The following DIAPH3 variants were observed in gnomAD, a reference collection of about 807,000 sequenced individuals.
DIAPH3 encodes protein diaphanous homolog 3.
DIAPH3 carries 117 observed loss-of-function variants against 144.3 expected under a neutral mutation model. The ratio of observed to expected loss-of-function variants is 0.81; its 90% confidence interval spans 0.70 to 0.95. DIAPH3 has a LOEUF of 0.95. Ranked by LOEUF, DIAPH3 falls within the 40% of genes least tolerant of loss-of-function variation. The pLI is 0.00. For missense variants in DIAPH3, 1,421 were observed against 1,412.7 expected (o/e 1.01, Z -0.09); for synonymous variants, 519 against 488.9 (o/e 1.06, Z -0.81).
intron 20 of DIAPH3, among the ~76,000 whole-genome samples, chr13:59,891,448 C>CA (rs199605332): frequency 2.9e-3 from 380 of 131,504 alleles, no homozygotes; most frequent in Middle Eastern, 0.012. Context: ...AAATTATCAT[C>CA]AAAAAAAAAA....
Position 60,005,658 on chromosome 13 carries a change from T to C in DIAPH3, c.1014+2886A>G, listed in dbSNP as rs9570244. Among the ~76,000 whole-genome samples, 5 of 152,178 alleles carry C rather than the reference T, an allele frequency of 3.3e-5. No individual in the cohort carries two copies. The East Asian group carries it at 9.7e-4, about 29-fold the overall frequency. ...ACCATGCCCGGCTAATTTTTTTGTA[T>C]TTTTAGTAGAGACGGGGTTTCACCA... On this transcript the variant is annotated intron_variant, in intron 9 of 27. Transcript: ENST00000400324.
intron 4 of DIAPH3, among the ~76,000 whole-genome samples, chr13:60,091,490 G>T (rs2057930103): frequency 6.6e-6 from 1 of 151,984 alleles, no homozygotes; most frequent in Non-Finnish European, 1.5e-5. Context: ...TCAAGACAGG[G>T]TCTTACTATG....
intron 18 of DIAPH3, among the ~76,000 whole-genome samples, chr13:59,917,889 CAAAAAAAAAAA>C (rs60792156): frequency 5.4e-4 from 10 of 18,642 alleles, no homozygotes; most frequent in East Asian, 4.6e-3. Flanking sequence ...GACTCTGTCT[CAAAAAAAAAAA>C]AAAAAAAAAA....
chr13:59,922,426 C>A (rs1192869022), intron 18 of DIAPH3, among the ~76,000 whole-genome samples: 1 of 152,012 alleles, frequency 6.6e-6, no homozygotes, highest in Admixed American at 6.6e-5. Context: ...CTTTTAGATT[C>A]TTTCTCCAAA....
At chr13:59,824,857 G>A (rs552141736) in intron 24 of DIAPH3, among the ~76,000 whole-genome samples, 36 of 152,064 alleles carry the variant, frequency 2.4e-4, no homozygotes, top group Non-Finnish European at 4.9e-4. Flanking sequence ...CTATGAGTAA[G>A]AAAGAAGTGT....
chr13:59,898,153 A>AAAAG (rs1810145735), intron 20 of DIAPH3, among the ~76,000 whole-genome samples: 4 of 149,790 alleles, frequency 2.7e-5, no homozygotes, highest in African/African-American at 9.8e-5. Flanking sequence ...AAAAAAAAAA[A>AAAAG]AAAGAAAAAG....
At chr13:59,950,869 T>G (rs184357883) in intron 17 of DIAPH3, among the ~76,000 whole-genome samples, 1 of 152,206 alleles carries the variant, frequency 6.6e-6, no homozygotes, top group African/African-American at 2.4e-5. Flanking sequence ...GTATAAACAC[T>G]GCTAGAAAAC....
intron 25 of DIAPH3, among the ~76,000 whole-genome samples, chr13:59,792,149 C>T (rs563336835): frequency 6.6e-6 from 1 of 152,294 alleles, no homozygotes; most frequent in South Asian, 2.1e-4. Flanking sequence ...TCTGCTCACC[C>T]CTTCTGGTAG....
chr13:59,932,049 A>G (rs1025693529), intron 17 of DIAPH3, among the ~76,000 whole-genome samples: 3 of 152,204 alleles, frequency 2.0e-5, no homozygotes, highest in Non-Finnish European at 4.4e-5. Flanking sequence ...GTATTAGTTA[A>G]AATTTTCAGA....
chr13:59,932,145 T>G (rs2059723658), intron 17 of DIAPH3, among the ~76,000 whole-genome samples: 2 of 152,180 alleles, frequency 1.3e-5, no homozygotes, highest in Admixed American at 6.5e-5. Context: ...TGTATACATT[T>G]TATTTTCTTG....
At chr13:59,828,025 C>A (rs912252780) in intron 24 of DIAPH3, among the ~76,000 whole-genome samples, 1 of 151,896 alleles carries the variant, frequency 6.6e-6, no homozygotes, top group African/African-American at 2.4e-5. Context: ...AAATAGAAAA[C>A]AATGATTAAT....
chr13:59,993,486 T>C (rs2051972677), intron 9 of DIAPH3, among the ~76,000 whole-genome samples: 1 of 151,596 alleles, frequency 6.6e-6, no homozygotes, highest in Admixed American at 6.6e-5. Flanking sequence ...CTTTTCTCCA[T>C]CCCTTAAGGC....
At chr13:59,888,318 A>G (rs925898479) in intron 20 of DIAPH3, among the ~76,000 whole-genome samples, 1 of 152,142 alleles carries the variant, frequency 6.6e-6, no homozygotes, top group Non-Finnish European at 1.5e-5. Context: ...GGCCCTCACC[A>G]GAAATGGAGT....
At chr13:59,899,912 A>T (rs1452666918) in intron 20 of DIAPH3, among the ~76,000 whole-genome samples, 1 of 152,212 alleles carries the variant, frequency 6.6e-6, no homozygotes, top group Non-Finnish European at 1.5e-5. Flanking sequence ...TCAAGGAAAT[A>T]GCATATTATT....
intron 25 of DIAPH3, among the ~76,000 whole-genome samples, chr13:59,784,383 T>C (rs1179511208): frequency 2.5e-4 from 5 of 19,920 alleles, no homozygotes; most frequent in Non-Finnish European, 5.4e-4. Flanking sequence ...GCCCAGCCTA[T>C]ATTATTATTA....
chr13:60,161,274 C>T (rs922826989), intron 1 of DIAPH3, among the ~76,000 whole-genome samples: 2 of 152,224 alleles, frequency 1.3e-5, no homozygotes, highest in African/African-American at 4.8e-5. Flanking sequence ...ACTAACTTGA[C>T]ATCTGCAAGA....
At chr13:59,796,607 T>G (rs1049755053) in intron 25 of DIAPH3, among the ~76,000 whole-genome samples, 1 of 152,220 alleles carries the variant, frequency 6.6e-6, no homozygotes, top group African/African-American at 2.4e-5. Context: ...TACACACATA[T>G]GTGCATACAG....
rs551908168 is a variant in DIAPH3, at chr13:59,802,869, A to G, written c.3163+7919T>C. 2.6e-3 allele frequency among the ~76,000 whole-genome samples: 384 copies of G among 149,280 alleles called. 1 individual carries two copies. The highest frequency in any genetic ancestry group is 8.1e-3 in the African/African-American group (331 of 40,694). On this transcript the variant is annotated intron_variant, in intron 25 of 27. Coordinates refer to ENST00000400324, the MANE Select transcript of DIAPH3 (RefSeq NM_001042517.2). ...GCTAATTTTTTTTTGTATTTTTAGT[A>G]GAGACGGGGTTTCACCTTGTTAGCC...
At chr13:59,878,330 C>T (rs2044763662) in intron 21 of DIAPH3, among the ~76,000 whole-genome samples, 1 of 152,114 alleles carries the variant, frequency 6.6e-6, no homozygotes, top group African/African-American at 2.4e-5. Flanking sequence ...CAATGAGAGG[C>T]TTAGGCCAGG....
Sources: gnomAD v4.1 joint callset for allele counts (sites outside exome capture counted in the v4.1 genomes callset) on GRCh38, gnomAD v4.1.1 for gene constraint, MANE v1.5 for transcripts, NCBI Gene and HGNC (gene_info 2026-07-23, HGNC 2026-07-21) for gene names.